The following LYRM2 variants were observed in gnomAD, a reference collection of about 807,000 sequenced individuals.
The protein encoded by LYRM2 is LYR motif containing 2, also known as LYR motif-containing protein 2.
Under a neutral mutation model 11.6 loss-of-function variants are expected in LYRM2, and 8 were observed. That is an observed-to-expected ratio of 0.69 (90% CI 0.40 to 1.24). The LOEUF (loss-of-function observed/expected upper bound fraction) is 1.24. LYRM2 is among the 50% of genes most tolerant of loss of function. The pLI is 0.01. For synonymous variants in LYRM2, 30 were observed against 36.4 expected, an observed-to-expected ratio of 0.83 and a Z score of 0.63; for missense variants, 117 against 102.9, an observed-to-expected ratio of 1.14 and a Z score of -0.59.
Position 89,637,895 on chromosome 6 carries a change from G to A in LYRM2, c.46-13C>T. 3 of 1,610,192 alleles carry A rather than the reference G, an allele frequency of 1.9e-6. No homozygotes were observed. In the South Asian group the frequency reaches 3.3e-5, roughly 18 times the overall value. On this transcript the variant is annotated splice_polypyrimidine_tract_variant and intron_variant, in intron 1 of 2. Coordinates refer to ENST00000523377, the MANE Select transcript of LYRM2 (RefSeq NM_020466.5). Reference sequence around the variant, plus strand: ...GCCTTCTTACGAACTGTAAAAGGGAGGAGTAAATAGCAATTACTACTGCAC... The same window carrying A: ...GCCTTCTTACGAACTGTAAAAGGGAAGAGTAAATAGCAATTACTACTGCAC...
At chr6:89,637,686 A>T in intron 2 of LYRM2, 56 bp downstream of exon 2, 1 of 1,561,454 alleles carries the variant, frequency 6.4e-7, no homozygotes, top group East Asian at 2.3e-5. Flanking sequence ...AAAAAAAAAA[A>T]TTCACTGATC....
chr6:89,638,481 C>G (rs890361535), intron 1 of LYRM2, 191 bp downstream of exon 1: 3 of 1,506,438 alleles, frequency 2.0e-6, no homozygotes, highest in African/African-American at 2.8e-5. Context: ...TCGCACCAAA[C>G]CAAGGAAGCA....
rs1205732878 is a variant in LYRM2 at position 89,634,157 on chromosome 6, TA to T, written c.*3115del. On this transcript the variant is annotated 3_prime_UTR_variant, in exon 3 of 3. Transcript: ENST00000523377. ...ACATTATACTTTTTGACTAAGTTAT[TA>T]AAAGTTAAATGCATTTCTTCTTTGA... 1 of 152,384 alleles carries T rather than the reference TA, an allele frequency of 6.6e-6. No individual in the cohort carries two copies. The highest frequency in any genetic ancestry group is 2.4e-5 in the African/African-American group (1 of 41,596). The allele number at this position is 152,384 out of a possible 1,614,324, so 9.4% of individuals were successfully genotyped here. A position where few individuals can be genotyped will look rare whatever the true frequency, so the allele number is the denominator to read the frequency against.
chr6:89,633,315 A>G lies in LYRM2; in HGVS notation c.*3958T>C, dbSNP rs1377168485. ...AATGCAATACCTTTTCATCTTCAGCAAATGTTGTTTCATCTGTTTTTGATC... is the reference window on the plus strand; with the variant it reads ...AATGCAATACCTTTTCATCTTCAGCGAATGTTGTTTCATCTGTTTTTGATC... On this transcript the variant is annotated 3_prime_UTR_variant, in exon 3 of 3. Coordinates refer to ENST00000523377, the MANE Select transcript of LYRM2 (RefSeq NM_020466.5). 2 of 152,236 alleles carry G rather than the reference A, an allele frequency of 1.3e-5. No homozygotes were observed. Among genetic ancestry groups the G allele is most frequent in the African/African-American group, 4.8e-5 (2 of 41,472 alleles). The allele number at this position is 152,236 out of a possible 1,614,324, so 9.4% of individuals were successfully genotyped here.
At chr6:89,637,716 T>C in intron 2 of LYRM2, 26 bp downstream of exon 2, 3 of 1,609,952 alleles carry the variant, frequency 1.9e-6, no homozygotes, top group Non-Finnish European at 2.5e-6. Flanking sequence ...GGTTAGGATC[T>C]GTCCTCACCA....
At chr6:89,638,623 C>G (rs1175881342) in intron 1 of LYRM2, 49 bp downstream of exon 1, 1 of 1,613,200 alleles carries the variant, frequency 6.2e-7, no homozygotes, top group East Asian at 2.2e-5. Flanking sequence ...ATGGAGAATC[C>G]AGCTCAGACC....
Position 89,634,683 on chromosome 6 carries a change from C to T in LYRM2, c.*2590G>A, listed in dbSNP as rs1807932775. The T allele has an allele frequency of 6.6e-6, 1 of 152,210 alleles. No homozygotes were observed. The highest frequency in any genetic ancestry group is 2.4e-5 in the African/African-American group (1 of 41,456). The allele number at this position is 152,210 out of a possible 1,614,324, so 9.4% of individuals were successfully genotyped here. Reference sequence around the variant, plus strand: ...CCATGTTCGCGCCACCACACTCCAGCTTGTGCAACAGAGACCCTGTCTCAA... The same window carrying T: ...CCATGTTCGCGCCACCACACTCCAGTTTGTGCAACAGAGACCCTGTCTCAA... On this transcript the variant is annotated 3_prime_UTR_variant, in exon 3 of 3. Coordinates refer to ENST00000523377, the MANE Select transcript of LYRM2 (RefSeq NM_020466.5).
chr6:89,638,329 T>G, intron 1 of LYRM2: 1 of 1,201,064 alleles, frequency 8.3e-7, no homozygotes, highest in Non-Finnish European at 1.0e-6. Context: ...CAGCACTTTT[T>G]CTAAATTAAC....
Position 89,632,909 on chromosome 6 carries a change from C to T in LYRM2, c.*4364G>A, listed in dbSNP as rs1424914814. On this transcript the variant is annotated 3_prime_UTR_variant, in exon 3 of 3. Transcript: ENST00000523377. ...TACTCAAGAAATTAAATCCTGAGTT[C>T]AGTAGGCTGTGTTCCAAGCAGGAAT... 6.6e-6 allele frequency: 1 copy of T among 152,202 alleles called. No homozygotes were observed. The highest frequency in any genetic ancestry group is 1.5e-5 in the Non-Finnish European group (1 of 68,038). The allele number at this position is 152,202 out of a possible 1,614,324, so 9.4% of individuals were successfully genotyped here.
chr6:89,634,622 G>A lies in LYRM2; in HGVS notation c.*2651C>T, dbSNP rs973372333. 2.3e-4 allele frequency: 35 copies of A among 152,050 alleles called. No homozygotes were observed. The highest frequency in any genetic ancestry group is 8.0e-4 in the African/African-American group (33 of 41,398). The allele number at this position is 152,050 out of a possible 1,614,324, so 9.4% of individuals were successfully genotyped here. A position where few individuals can be genotyped will look rare whatever the true frequency, so the allele number is the denominator to read the frequency against. ...GCTAAATGAAAATCTGAAGCAGGTGGATCTCTTGAGCCCAGGAGCTCAAGG... is the reference window on the plus strand; with the variant it reads ...GCTAAATGAAAATCTGAAGCAGGTGAATCTCTTGAGCCCAGGAGCTCAAGG... On this transcript the variant is annotated 3_prime_UTR_variant, in exon 3 of 3. Coordinates refer to ENST00000523377, the MANE Select transcript of LYRM2 (RefSeq NM_020466.5).
At chr6:89,638,010 CTT>C (rs369897343) in intron 1 of LYRM2, 128 bp from the exon 2 acceptor site, 6 of 1,026,028 alleles carry the variant, frequency 5.8e-6, no homozygotes, top group East Asian at 2.6e-5. Flanking sequence ...CAAAGAAAAA[CTT>C]TTTTTTTTCT....
At position 89,638,461 on chromosome 6, in the gene LYRM2, T is replaced by C. The variant is rs554194547; in HGVS notation, c.45+211A>G. On this transcript the variant is annotated intron_variant, in intron 1 of 2. Transcript: ENST00000523377. Reference sequence around the variant, plus strand: ...CAGGGAAATCAAGCGCCTGACGCTGTCTCACGCGATCGCACCAAACCAAGG... The same window carrying C: ...CAGGGAAATCAAGCGCCTGACGCTGCCTCACGCGATCGCACCAAACCAAGG... 13 of 1,473,712 alleles carry C rather than the reference T, an allele frequency of 8.8e-6. No homozygotes were observed. The East Asian group carries it at 3.1e-4, about 36-fold the overall frequency. The allele number at this position is 1,473,712 out of a possible 1,614,324, so 91.3% of individuals were successfully genotyped here. A position where few individuals can be genotyped will look rare whatever the true frequency, so the allele number is the denominator to read the frequency against.
In LYRM2 at chr6:89,637,355, T is replaced by C; in HGVS notation, c.187-2A>G. 6.3e-7 allele frequency: 1 copy of C among 1,596,802 alleles called. No homozygotes were observed. Among genetic ancestry groups the C allele is most frequent in the Non-Finnish European group, 8.6e-7 (1 of 1,165,072 alleles). ...AGTAATCATCATCCGGATTGTATCC[T>C]GTAGAATAAAGTGAAATCTGGTTAT... On this transcript the variant is annotated splice_acceptor_variant, in intron 2 of 2. Transcript: ENST00000523377. LOFTEE classifies it high-confidence loss of function.
intron 2 of LYRM2, 143 bp downstream of exon 2, chr6:89,637,599 A>T (rs895891696): frequency 1.3e-5 from 10 of 759,330 alleles, no homozygotes; most frequent in Non-Finnish European, 1.9e-5. Flanking sequence ...ATAATAATTT[A>T]AAATCGGTAA....
Position 89,638,404 on chromosome 6 carries a change from C to A in LYRM2, c.45+268G>T, listed in dbSNP as rs377000905. The A allele has an allele frequency of 8.5e-6, 12 of 1,405,988 alleles. No homozygotes were observed. The Admixed American group carries it at 1.5e-4, about 17-fold the overall frequency. 87.1% of individuals were successfully genotyped at this position (1,405,988 alleles called of 1,614,324 possible). A position where few individuals can be genotyped will look rare whatever the true frequency, so the allele number is the denominator to read the frequency against. ...ACAGCTCAGTGCAATAGACTTTTACCGTGGGCACTGGGCAGCTGAGGCACC... is the reference window on the plus strand; with the variant it reads ...ACAGCTCAGTGCAATAGACTTTTACAGTGGGCACTGGGCAGCTGAGGCACC... On this transcript the variant is annotated intron_variant, in intron 1 of 2. Coordinates refer to ENST00000523377, the MANE Select transcript of LYRM2 (RefSeq NM_020466.5).
At chr6:89,637,911 A>G in intron 1 of LYRM2, 29 bp from the exon 2 acceptor site, 1 of 1,591,126 alleles carries the variant, frequency 6.3e-7, no homozygotes, top group Non-Finnish European at 8.6e-7. Flanking sequence ...AATAGCAATT[A>G]CTACTGCACA....
At position 89,637,272 on chromosome 6, in the gene LYRM2, G is replaced by A. The variant is rs774258756; in HGVS notation, c.*1C>T. 1.3e-5 allele frequency: 18 copies of A among 1,407,892 alleles called. No homozygotes were observed. Among genetic ancestry groups the A allele is most frequent in the Middle Eastern group, 1.8e-4 (1 of 5,476 alleles). 87.2% of individuals were successfully genotyped at this position (1,407,892 alleles called of 1,614,324 possible). A position where few individuals can be genotyped will look rare whatever the true frequency, so the allele number is the denominator to read the frequency against. On this transcript the variant is annotated 3_prime_UTR_variant, in exon 3 of 3. Transcript: ENST00000523377. ...GAAAATCCTTCAGAATAATGCTATAGTTAAGATTTTGCTAAAGCAAGTGTT... is the reference window on the plus strand; with the variant it reads ...GAAAATCCTTCAGAATAATGCTATAATTAAGATTTTGCTAAAGCAAGTGTT...
chr6:89,634,112 A>AGGTT lies in LYRM2; in HGVS notation c.*3157_*3160dup, dbSNP rs1245578914. ...ACAAAACATCATTTGCAATAGTTAAAGGTTATGCAAGGCAAGGCAACATTA... is the reference window on the plus strand; with the variant it reads ...ACAAAACATCATTTGCAATAGTTAAAGGTTGGTTATGCAAGGCAAGGCAACATTA... On this transcript the variant is annotated 3_prime_UTR_variant, in exon 3 of 3. Transcript: ENST00000523377. The AGGTT allele has an allele frequency of 1.3e-5, 2 of 152,250 alleles. No individual in the cohort carries two copies. The highest frequency in any genetic ancestry group is 2.9e-5 in the Non-Finnish European group (2 of 68,042). 9.4% of individuals were successfully genotyped at this position (152,250 alleles called of 1,614,324 possible). A position where few individuals can be genotyped will look rare whatever the true frequency, so the allele number is the denominator to read the frequency against.
rs754931426 is a variant in LYRM2, at chr6:89,638,661, A to T, written c.45+11T>A. The T allele has an allele frequency of 2.5e-6, 4 of 1,613,948 alleles. No individual in the cohort carries two copies. The South Asian group carries it at 4.4e-5, about 18-fold the overall frequency. On this transcript the variant is annotated intron_variant, in intron 1 of 2. Transcript: ENST00000523377. Reference sequence around the variant, plus strand: ...GGTAAGCTGCTTTGGAAGGCAGAGAACCGCCGGTACCTGCTTTAACGTTAG... The same window carrying T: ...GGTAAGCTGCTTTGGAAGGCAGAGATCCGCCGGTACCTGCTTTAACGTTAG...
Sources: gnomAD v4.1 joint callset for allele counts on GRCh38, gnomAD v4.1.1 for gene constraint, MANE v1.5 for transcripts, NCBI Gene and HGNC (gene_info 2026-07-23, HGNC 2026-07-21) for gene names.